The following UTP11 variants were observed in gnomAD, a reference collection of about 807,000 sequenced individuals.
UTP11 encodes UTP11 small subunit processome component, also known as probable U3 small nucleolar RNA-associated protein 11.
UTP11 carries 29 observed loss-of-function variants against 39.0 expected under a neutral mutation model. That is an observed-to-expected ratio of 0.74 (90% confidence interval 0.55 to 1.01). UTP11 has a LOEUF of 1.01. Ranked by LOEUF, UTP11 falls within the 50% of genes least tolerant of loss-of-function variation. The pLI, the probability that UTP11 is intolerant of heterozygous loss-of-function variation, is 0.00. For missense variants in UTP11, 281 were observed against 306.0 expected (o/e 0.92, Z 0.61); for synonymous variants, 111 against 105.0 (o/e 1.06, Z -0.35).
Position 38,023,686 on chromosome 1 carries a change from A to G in UTP11, c.*58A>G. The G allele has an allele frequency of 6.7e-7, 1 of 1,484,224 alleles. No homozygotes were observed. The highest frequency in any genetic ancestry group is 1.3e-5 in the South Asian group (1 of 79,074). The allele number at this position is 1,484,224 out of a possible 1,614,324, so 91.9% of individuals were successfully genotyped here. On this transcript the variant is annotated 3_prime_UTR_variant, in exon 8 of 8. Transcript: ENST00000373014. The stretch of plus-strand genomic sequence containing the variant: ...AAAAATCTGTTGTCGTTTTCTAGTA[A>G]CTTCAAATTCCATTACTCCAAATGG...
chr1:38,016,509 G>C (rs1014990115), intron 2 of UTP11, 89 bp downstream of exon 2: 1 of 1,364,320 alleles, frequency 7.3e-7, no homozygotes, highest in Admixed American at 1.7e-5. Context: ...TCCAACAGGG[G>C]ATAATTTCCT....
intron 1 of UTP11, among the ~76,000 whole-genome samples, chr1:38,015,591 A>G (rs1646703457): frequency 6.6e-6 from 1 of 152,228 alleles, no homozygotes; most frequent in Non-Finnish European, 1.5e-5. Context: ...AGCATAGCAC[A>G]TTGCAAGACC....
At chr1:38,022,844 T>C in intron 7 of UTP11, 35 bp downstream of exon 7, 1 of 1,443,276 alleles carries the variant, frequency 6.9e-7, no homozygotes, top group Non-Finnish European at 9.5e-7. Context: ...CTTTTTTTTT[T>C]TTTCCCCCTT....
intron 3 of UTP11, 84 bp from the exon 4 acceptor site, chr1:38,018,380 C>G (rs1646717764): frequency 9.6e-7 from 1 of 1,041,794 alleles, no homozygotes; most frequent in Non-Finnish European, 1.4e-6. Context: ...CTATGGTTGT[C>G]TTTGTTCTAG....
chr1:38,020,302 T>C (rs1332587668), intron 6 of UTP11, among the ~76,000 whole-genome samples: 4 of 151,850 alleles, frequency 2.6e-5, no homozygotes. Context: ...GGGGTCTCGC[T>C]AAGTTGCCCA....
rs71642621 is a variant in UTP11, at chr1:38,020,837, A to G, written c.567+1454A>G. The stretch of plus-strand genomic sequence containing the variant: ...AATTGTTGAAGTCTAAGGCCCAGTA[A>G]TATTTCCTTCTGTAGATAACACTTC... On this transcript the variant is annotated intron_variant, in intron 6 of 7. Transcript: ENST00000373014. Among the ~76,000 whole-genome samples the G allele has an allele frequency of 5.0e-3, 768 of 152,326 alleles. 3 individuals are homozygous for G. Among genetic ancestry groups the G allele is most frequent in the Non-Finnish European group, 8.2e-3 (558 of 68,028 alleles).
chr1:38,021,837 G>A (rs914832529), intron 6 of UTP11, among the ~76,000 whole-genome samples: 1 of 151,640 alleles, frequency 6.6e-6, no homozygotes, highest in African/African-American at 2.4e-5. Context: ...AGGTTGTAGC[G>A]AGCCGAGATA....
Position 38,019,394 on chromosome 1 carries a change from C to G in UTP11, c.567+11C>G, listed in dbSNP as rs754951278. 1 of 1,601,782 alleles carries G rather than the reference C, an allele frequency of 6.2e-7. No individual in the cohort carries two copies. Among genetic ancestry groups the G allele is most frequent in the Non-Finnish European group, 8.5e-7 (1 of 1,174,370 alleles). ...CAGACTGGACTTAAGGTAATTTTCT[C>G]TGTTGTTCTTCACATGTGAGCTTAG... is the stretch of plus-strand genomic sequence containing the variant. On this transcript the variant is annotated intron_variant, in intron 6 of 7. Transcript: ENST00000373014.
At chr1:38,015,946 A>G (rs537373292) in intron 1 of UTP11, among the ~76,000 whole-genome samples, 1 of 152,342 alleles carries the variant, frequency 6.6e-6, no homozygotes, top group East Asian at 1.9e-4. Context: ...TAAAGCTTGG[A>G]TTTGAACCCA....
chr1:38,012,769 G>GATCTTTTCCAAGGCTCCACTGATCTT lies in UTP11; in HGVS notation c.-34_-33insATCTTTTCCAAGGCTCCACTGATCTT. 2 of 1,613,996 alleles carry GATCTTTTCCAAGGCTCCACTGATCTT rather than the reference G, an allele frequency of 1.2e-6. No individual in the cohort carries two copies. Among genetic ancestry groups the GATCTTTTCCAAGGCTCCACTGATCTT allele is most frequent in the Non-Finnish European group, 1.7e-6 (2 of 1,179,876 alleles). ...GCGGCAGAGGCAGTGCGGATCCGGC[G>GATCTTTTCCAAGGCTCCACTGATCTT]TTCTCCACTGATCTTTTCCAAGGCT... On this transcript the variant is annotated 5_prime_UTR_variant, in exon 1 of 8. Coordinates refer to ENST00000373014, the MANE Select transcript of UTP11 (RefSeq NM_016037.4).
intron 1 of UTP11, 109 bp downstream of exon 1, chr1:38,012,974 T>C: frequency 7.8e-7 from 1 of 1,290,006 alleles, no homozygotes; most frequent in Non-Finnish European, 1.1e-6. Flanking sequence ...AGTATATAAA[T>C]GCACGTAAAT....
chr1:38,019,031 T>C (rs1171326187), intron 4 of UTP11, 28 bp from the exon 5 acceptor site: 22 of 1,543,648 alleles, frequency 1.4e-5, no homozygotes, highest in Admixed American at 5.6e-5. Flanking sequence ...GAATCTAATA[T>C]AAAGTGAGAC....
chr1:38,015,170 C>T (rs1318993439), intron 1 of UTP11, among the ~76,000 whole-genome samples: 17 of 152,194 alleles, frequency 1.1e-4, no homozygotes. Context: ...TTACAGGCAC[C>T]TGCCATCATG....
chr1:38,016,007 C>A (rs1230016176), intron 1 of UTP11, among the ~76,000 whole-genome samples: 5 of 152,350 alleles, frequency 3.3e-5, no homozygotes, highest in Admixed American at 3.3e-4. Context: ...CTCCCTGTTA[C>A]TATGTTTTCC....
intron 6 of UTP11, among the ~76,000 whole-genome samples, chr1:38,022,413 C>A (rs1646742509): frequency 6.6e-6 from 1 of 151,444 alleles, no homozygotes; most frequent in African/African-American, 2.4e-5. Flanking sequence ...CATTATGTTG[C>A]CTACGTTGGT....
In UTP11 at chr1:38,024,087, CT is replaced by C. The variant is rs1646752286; in HGVS notation, c.*461del. 6.5e-6 allele frequency: 1 copy of C among 152,800 alleles called. No homozygotes were observed. The highest frequency in any genetic ancestry group is 6.5e-5 in the Admixed American group (1 of 15,300). 9.5% of individuals were successfully genotyped at this position (152,800 alleles called of 1,614,324 possible). A position where few individuals can be genotyped will look rare whatever the true frequency, so the allele number is the denominator to read the frequency against. On this transcript the variant is annotated 3_prime_UTR_variant, in exon 8 of 8. Coordinates refer to ENST00000373014, the MANE Select transcript of UTP11 (RefSeq NM_016037.4). ...TCGTGGCCTCAAGCGATCCTCCCAC[CT>C]TGGCCTCCCAAAGGGCTGGGATTAC...
intron 6 of UTP11, among the ~76,000 whole-genome samples, 153 bp from the exon 7 acceptor site, chr1:38,022,546 T>C (rs914568558): frequency 2.6e-5 from 4 of 152,136 alleles, no homozygotes; most frequent in Admixed American, 2.0e-4. Flanking sequence ...GTTCCTAAAA[T>C]GGGCAACGTT....
intron 1 of UTP11, among the ~76,000 whole-genome samples, chr1:38,014,716 A>G (rs1225656682): frequency 6.6e-6 from 1 of 152,120 alleles, no homozygotes; most frequent in African/African-American, 2.4e-5. Context: ...GGCTCACTTC[A>G]GGCTCGACCC....
chr1:38,021,690 C>G (rs1392052442), intron 6 of UTP11, among the ~76,000 whole-genome samples: 1 of 152,060 alleles, frequency 6.6e-6, no homozygotes, highest in African/African-American at 2.4e-5. Flanking sequence ...GTCAGGAGTT[C>G]GAGACTAGCC....
Sources: gnomAD v4.1 joint callset for allele counts (sites outside exome capture counted in the v4.1 genomes callset) on GRCh38, gnomAD v4.1.1 for gene constraint, MANE v1.5 for transcripts, NCBI Gene and HGNC (gene_info 2026-07-23, HGNC 2026-07-21) for gene names.